SAMD4A: variants seen among roughly 807,000 people sequenced by gnomAD.
SAMD4A encodes protein Smaug homolog 1.
A neutral mutation model predicts 81.3 loss-of-function variants in SAMD4A; 33 were observed. That is an observed-to-expected ratio of 0.41 (90% confidence interval 0.31 to 0.54). SAMD4A has a LOEUF of 0.54. SAMD4A is among the 20% of genes least tolerant of loss of function. The pLI is 0.37. For missense variants in SAMD4A, 854 were observed against 951.1 expected (o/e 0.90, Z 1.34); for synonymous variants, 389 against 382.1 (o/e 1.02, Z -0.21).
At chr14:54,662,441 G>A (rs1166341674) in intron 2 of SAMD4A, among the ~76,000 whole-genome samples, 1 of 138,316 alleles carries the variant, frequency 7.2e-6, no homozygotes, top group Non-Finnish European at 1.5e-5. Flanking sequence ...ACGGAGTCTT[G>A]CTTTGTTGCC....
chr14:54,781,352 TGCA>T (rs992490221), intron 11 of SAMD4A, among the ~76,000 whole-genome samples: 14 of 152,388 alleles, frequency 9.2e-5, no homozygotes, highest in African/African-American at 3.1e-4. Context: ...AGGTGGATGC[TGCA>T]GCAGCACCTC....
chr14:54,624,634 G>T (rs1364425571), intron 2 of SAMD4A, among the ~76,000 whole-genome samples: 1 of 152,226 alleles, frequency 6.6e-6, no homozygotes, highest in Non-Finnish European at 1.5e-5. Context: ...GCTTGTGATT[G>T]TTAATAGACT....
chr14:54,731,906 C>A (rs929706705), intron 3 of SAMD4A, among the ~76,000 whole-genome samples: 1 of 152,190 alleles, frequency 6.6e-6, no homozygotes, highest in South Asian at 2.1e-4. Flanking sequence ...TCAGCAGCTT[C>A]AGCTTCTAGA....
intron 7 of SAMD4A, among the ~76,000 whole-genome samples, chr14:54,764,027 G>A (rs553553967): frequency 2.0e-5 from 3 of 152,246 alleles, no homozygotes; most frequent in South Asian, 2.1e-4. Flanking sequence ...CACAAACGCC[G>A]CTGTCTCTGC....
At chr14:54,608,634 G>A (rs2034278791) in intron 2 of SAMD4A, among the ~76,000 whole-genome samples, 1 of 152,204 alleles carries the variant, frequency 6.6e-6, no homozygotes, top group African/African-American at 2.4e-5. Flanking sequence ...TGATATTTCG[G>A]TGAATGAAGG....
chr14:54,653,253 T>G (rs2140431131), intron 2 of SAMD4A, among the ~76,000 whole-genome samples: 1 of 151,544 alleles, frequency 6.6e-6, no homozygotes, highest in East Asian at 1.9e-4. Flanking sequence ...AGGCAGGGCC[T>G]TGAGGCCCCT....
chr14:54,770,023 G>A (rs2038659218), intron 8 of SAMD4A, 81 bp from the exon 9 acceptor site: 12 of 889,502 alleles, frequency 1.3e-5, no homozygotes, highest in Non-Finnish European at 2.2e-5. Flanking sequence ...AGACTCCAAT[G>A]TTTTCCCCTT....
At chr14:54,566,474 C>T (rs948109835), upstream of SAMD4A, among the ~76,000 whole-genome samples, 1 of 151,774 alleles carries the variant, frequency 6.6e-6, no homozygotes, top group African/African-American at 2.4e-5. Context: ...TTCTCCTCCC[C>T]GCCGGCGGCG....
intron 12 of SAMD4A, among the ~76,000 whole-genome samples, chr14:54,786,328 T>C (rs548640198): frequency 1.8e-4 from 28 of 152,070 alleles, no homozygotes; most frequent in Non-Finnish European, 2.9e-4. Context: ...TGGTTGCCAG[T>C]GGCTGAAGGG....
chr14:54,757,429 T>G (rs999053965), intron 6 of SAMD4A, among the ~76,000 whole-genome samples: 2 of 116,788 alleles, frequency 1.7e-5, no homozygotes, highest in African/African-American at 7.2e-5. Flanking sequence ...GTGTGTGTGT[T>G]TTGTTTTGTT....
In SAMD4A at chr14:54,681,006, G is replaced by A. The variant is rs17127749; in HGVS notation, c.197-21056G>A. ...AACTATTATTAAATTTCTAATGTCC[G>A]TCAAGGTTTAGATTCCTTTGTAAGA... On this transcript the variant is annotated intron_variant, in intron 2 of 12. Coordinates refer to ENST00000554335, the MANE Select transcript of SAMD4A (RefSeq NM_015589.6). Among the ~76,000 whole-genome samples the A allele has an allele frequency of 3.0e-4, 45 of 152,282 alleles. 2 individuals carry two copies. The East Asian group carries it at 6.6e-3, about 22-fold the overall frequency.
At chr14:54,685,274 G>C (rs1336680043) in intron 2 of SAMD4A, among the ~76,000 whole-genome samples, 21 of 140,322 alleles carry the variant, frequency 1.5e-4, no homozygotes, top group South Asian at 4.7e-4. Flanking sequence ...CATTCTTCCT[G>C]CCCCCCCCCC....
At chr14:54,725,528 A>G (rs1000735669) in intron 3 of SAMD4A, among the ~76,000 whole-genome samples, 4 of 152,368 alleles carry the variant, frequency 2.6e-5, no homozygotes, top group Middle Eastern at 3.4e-3. Flanking sequence ...GTGAAACACT[A>G]TCAAGTAATC....
intron 2 of SAMD4A, among the ~76,000 whole-genome samples, chr14:54,697,221 C>G (rs2036599011): frequency 6.6e-6 from 1 of 152,140 alleles, no homozygotes; most frequent in Non-Finnish European, 1.5e-5. Flanking sequence ...GGGATACTCT[C>G]CTGAAAGACT....
intron 2 of SAMD4A, among the ~76,000 whole-genome samples, chr14:54,666,358 A>G (rs2035756362): frequency 6.6e-6 from 1 of 152,194 alleles, no homozygotes; most frequent in African/African-American, 2.4e-5. Flanking sequence ...TTGTCCCTCC[A>G]TATACACCAG....
intron 4 of SAMD4A, among the ~76,000 whole-genome samples, chr14:54,748,291 C>T (rs1224924379): frequency 6.6e-6 from 1 of 152,212 alleles, no homozygotes; most frequent in African/African-American, 2.4e-5. Context: ...TTTCCTATCA[C>T]TGTAGGAGTG....
At chr14:54,697,180 G>T (rs1403766536) in intron 2 of SAMD4A, among the ~76,000 whole-genome samples, 5 of 152,184 alleles carry the variant, frequency 3.3e-5, no homozygotes, top group African/African-American at 1.2e-4. Flanking sequence ...TCCGTTTGAA[G>T]GTAGAGATGT....
chr14:54,598,188 T>C (rs1256463441), intron 2 of SAMD4A, among the ~76,000 whole-genome samples: 2 of 152,192 alleles, frequency 1.3e-5, no homozygotes, highest in African/African-American at 4.8e-5. Context: ...TGATTAAATA[T>C]CTAGAAAATG....
At chr14:54,573,131 G>A (rs1048898723) in intron 2 of SAMD4A, among the ~76,000 whole-genome samples, 2 of 152,186 alleles carry the variant, frequency 1.3e-5, no homozygotes, top group Admixed American at 6.5e-5. Flanking sequence ...TTAGGGTTTT[G>A]TAATTTTCTT....
Sources: gnomAD v4.1 joint callset for allele counts (sites outside exome capture counted in the v4.1 genomes callset) on GRCh38, gnomAD v4.1.1 for gene constraint, MANE v1.5 for transcripts, NCBI Gene and HGNC (gene_info 2026-07-23, HGNC 2026-07-21) for gene names.